SLC39A5: variants seen among roughly 807,000 people sequenced by gnomAD.
SLC39A5 encodes solute carrier family 39 member 5.
SLC39A5 carries 42 observed loss-of-function variants against 46.9 expected under a neutral mutation model. The ratio of observed to expected loss-of-function variants is 0.90; its 90% confidence interval spans 0.70 to 1.16. The LOEUF is 1.16. Ranked by LOEUF, SLC39A5 falls within the 50% of genes most tolerant of loss-of-function variation. The pLI is 0.00. For missense variants in SLC39A5, 677 were observed against 686.8 expected, an observed-to-expected ratio of 0.99 and a Z score of 0.16; for synonymous variants, 311 against 323.1, an observed-to-expected ratio of 0.96 and a Z score of 0.40.
intron 4 of SLC39A5, 105 bp downstream of exon 4, chr12:56,231,666 C>CA (rs1870229605): frequency 4.8e-6 from 6 of 1,254,006 alleles, no homozygotes; most frequent in Non-Finnish European, 6.5e-6. Context: ...CCTGGAGTTA[C>CA]AAATTCTTCA....
In SLC39A5 at chr12:56,236,629, G is replaced by A; in HGVS notation, c.1090G>A (p.Ala364Thr). 1.9e-6 allele frequency: 3 copies of A among 1,613,676 alleles called. No individual in the cohort carries two copies. The highest frequency in any genetic ancestry group is 1.7e-6 in the Non-Finnish European group (2 of 1,179,732). The change falls in exon 10 of 13, where the codon GCT (alanine) becomes ACT (threonine). Residue 364 changes from alanine (A) to threonine (T), a missense_variant. By Grantham distance (58) the Ala-to-Thr change is moderately conservative. Transcript: ENST00000454355. ...GGAGAAGAACAGCCAGCACCCACCAGCTCTGGCCCCTCCTGGGCACCAAGG... is the reference window on the plus strand; with the variant it reads ...GGAGAAGAACAGCCAGCACCCACCAACTCTGGCCCCTCCTGGGCACCAAGG... Reference protein sequence around the residue: ...QREKNSQHPPALAPPGHQGHS... With the variant: ...QREKNSQHPPTLAPPGHQGHS...
At chr12:56,233,381 C>T (rs1870429055) in intron 5 of SLC39A5, among the ~76,000 whole-genome samples, 2 of 147,672 alleles carry the variant, frequency 1.4e-5, no homozygotes, top group South Asian at 2.1e-4. Context: ...ACCCAGGAGG[C>T]GGAGATTGCA....
chr12:56,235,800 T>A (rs1225790419), intron 8 of SLC39A5, 100 bp downstream of exon 8: 1 of 1,503,880 alleles, frequency 6.6e-7, no homozygotes, highest in African/African-American at 1.4e-5. Flanking sequence ...ATCCCAGCAC[T>A]TTGGGAGCCC....
chr12:56,236,712 T>TG lies in SLC39A5; in HGVS notation c.1175dup (p.Leu393SerfsTer6), dbSNP rs1870811477. On this transcript the variant is annotated frameshift_variant, in exon 10 of 13. Transcript: ENST00000454355. LOFTEE classifies it high-confidence loss of function. Reference sequence around the variant, plus strand: ...TCACGTGGATGGTCCTCCTGGGAGATGGTCTACACAACCTCACTGATGGGC... The same window carrying TG: ...TCACGTGGATGGTCCTCCTGGGAGATGGGTCTACACAACCTCACTGATGGGC... The TG allele has an allele frequency of 6.2e-7, 1 of 1,610,148 alleles. No individual in the cohort carries two copies. The highest frequency in any genetic ancestry group is 8.5e-7 in the Non-Finnish European group (1 of 1,177,614).
chr12:56,234,301 C>T (rs1411268626), intron 5 of SLC39A5, among the ~76,000 whole-genome samples: 2 of 151,114 alleles, frequency 1.3e-5, no homozygotes, highest in Admixed American at 6.6e-5. Flanking sequence ...GTGTTCACTA[C>T]TATCCCCAGC....
intron 5 of SLC39A5, 133 bp from the exon 6 acceptor site, chr12:56,234,691 C>A: frequency 1.1e-6 from 1 of 944,070 alleles, no homozygotes; most frequent in Non-Finnish European, 1.6e-6. Flanking sequence ...AAACTCCTGA[C>A]CTCAGATGAT....
chr12:56,231,897 A>T lies in SLC39A5; in HGVS notation c.287+336A>T, dbSNP rs928411085. 4.0e-5 allele frequency among the ~76,000 whole-genome samples: 6 copies of T among 150,386 alleles called. No homozygotes were observed. The South Asian group carries it at 1.3e-3, about 32-fold the overall frequency. ...CACACCACCACAGCCGGCTAATTTT[A>T]AAAATTTTTTACAGAGACAAGGGTT... On this transcript the variant is annotated intron_variant, in intron 4 of 12. Coordinates refer to ENST00000454355, the MANE Select transcript of SLC39A5 (RefSeq NM_173596.3).
rs774872842 is a variant in SLC39A5 at position 56,236,674 on chromosome 12, G to A, written c.1135G>A (p.Gly379Ser). 4.3e-6 allele frequency: 7 copies of A among 1,613,626 alleles called. No individual in the cohort carries two copies. In the South Asian group the frequency reaches 6.6e-5, roughly 15 times the overall value. ...CCAAGGCCACAGTCATGGGCACCAG[G>A]GTGGCACTGATATCACGTGGATGGT... ...GHQGHSHGHQGGTDITWMVLL... is the reference protein window; with the variant it reads ...GHQGHSHGHQSGTDITWMVLL... The change falls in exon 10 of 13, where the codon GGT becomes AGT. Residue 379 changes from glycine (G) to serine (S), a missense_variant. Coordinates refer to ENST00000454355, the MANE Select transcript of SLC39A5 (RefSeq NM_173596.3).
chr12:56,237,066 G>C, intron 11 of SLC39A5, 55 bp downstream of exon 11: 1 of 1,610,832 alleles, frequency 6.2e-7, no homozygotes, highest in East Asian at 2.2e-5. Context: ...TAGCTCCAAG[G>C]GGTAGAGCTT....
intron 7 of SLC39A5, 24 bp downstream of exon 7, chr12:56,235,350 C>T (rs1565600864): frequency 2.7e-6 from 4 of 1,507,848 alleles, no homozygotes; most frequent in Middle Eastern, 1.8e-4. Context: ...CTTCCTTGTA[C>T]CCCTGGCCTC....
chr12:56,230,836 G>A lies in SLC39A5; in HGVS notation c.-109G>A. On this transcript the variant is annotated 5_prime_UTR_variant, in exon 3 of 13. Coordinates refer to ENST00000454355, the MANE Select transcript of SLC39A5 (RefSeq NM_173596.3). ...TTCCCCCTTCCCTGACTCAGGAACT[G>A]CTTAACGTCTACAGCAAGGCCTAAT... The A allele has an allele frequency of 6.3e-6, 1 of 159,102 alleles. No individual in the cohort carries two copies. The highest frequency in any genetic ancestry group is 1.4e-5 in the Non-Finnish European group (1 of 72,746). The allele number at this position is 159,102 out of a possible 1,614,324, so 9.9% of individuals were successfully genotyped here. A position where few individuals can be genotyped will look rare whatever the true frequency, so the allele number is the denominator to read the frequency against.
chr12:56,233,552 G>C (rs1157711327), intron 5 of SLC39A5, among the ~76,000 whole-genome samples: 1 of 152,206 alleles, frequency 6.6e-6, no homozygotes, highest in Non-Finnish European at 1.5e-5. Flanking sequence ...TGGGATCAGA[G>C]CAGGTGAGCC....
At chr12:56,237,526 T>A in intron 12 of SLC39A5, 62 bp from the exon 13 acceptor site, 1 of 1,607,064 alleles carries the variant, frequency 6.2e-7, no homozygotes. Context: ...TCTGACACCA[T>A]TCCTCTGGAG....
chr12:56,237,282 C>T lies in SLC39A5; in HGVS notation c.1421C>T (p.Thr474Ile). 1 of 1,613,316 alleles carries T rather than the reference C, an allele frequency of 6.2e-7. No homozygotes were observed. Among genetic ancestry groups the T allele is most frequent in the Non-Finnish European group, 8.5e-7 (1 of 1,179,608 alleles). Reference protein sequence around the residue: ...VGLSLGPVPLTPWVFGVTAGV... With the variant: ...VGLSLGPVPLIPWVFGVTAGV... ...CTCAGCCTGGGCCCTGTCCCCCTCA[C>T]TCCCTGGGTGTTTGGGGTCACTGCT... Residue 474 changes from threonine (T) to isoleucine (I), a missense_variant, in exon 12 of 13, where the codon ACT becomes ATT. By Grantham distance (89) the Thr-to-Ile change is moderately conservative (BLOSUM62 -1). Transcript: ENST00000454355.
At chr12:56,235,894 T>C in intron 8 of SLC39A5, 194 bp downstream of exon 8, 1 of 652,136 alleles carries the variant, frequency 1.5e-6, no homozygotes, top group South Asian at 1.8e-5. Flanking sequence ...AATACAAAAA[T>C]TAGCTGGGCG....
intron 5 of SLC39A5, among the ~76,000 whole-genome samples, chr12:56,234,035 C>G (rs1443840483): frequency 6.6e-6 from 1 of 152,114 alleles, no homozygotes; most frequent in African/African-American, 2.4e-5. Flanking sequence ...TAATAATACA[C>G]ATTGATTATA....
chr12:56,231,212 C>A lies in SLC39A5; in HGVS notation c.-63C>A. ...ATTCCTCATTCTTCCAGGGCACAGT[C>A]CTCAGGATGTTTCGGGGAGAATAGG... On this transcript the variant is annotated 5_prime_UTR_variant, in exon 4 of 13. Coordinates refer to ENST00000454355, the MANE Select transcript of SLC39A5 (RefSeq NM_173596.3). 1 of 1,508,754 alleles carries A rather than the reference C, an allele frequency of 6.6e-7. No individual in the cohort carries two copies. The highest frequency in any genetic ancestry group is 8.9e-7 in the Non-Finnish European group (1 of 1,118,094). The allele number at this position is 1,508,754 out of a possible 1,614,324, so 93.5% of individuals were successfully genotyped here.
At chr12:56,236,092 G>A (rs1475913393) in intron 8 of SLC39A5, among the ~76,000 whole-genome samples, 2 of 152,190 alleles carry the variant, frequency 1.3e-5, no homozygotes, top group Non-Finnish European at 2.9e-5. Flanking sequence ...AAGAGATGAG[G>A]AGCAGTGTGT....
chr12:56,232,413 A>T (rs1870314059), intron 4 of SLC39A5, among the ~76,000 whole-genome samples: 1 of 151,026 alleles, frequency 6.6e-6, no homozygotes, highest in South Asian at 2.1e-4. Context: ...TGATCCACCC[A>T]CCTCAGCCTC....
Sources: gnomAD v4.1 joint callset for allele counts (sites outside exome capture counted in the v4.1 genomes callset) on GRCh38, gnomAD v4.1.1 for gene constraint, MANE v1.5 for transcripts, NCBI Gene and HGNC (gene_info 2026-07-23, HGNC 2026-07-21) for gene names.